BAIAP2: variants seen among roughly 807,000 people sequenced by gnomAD.
The protein encoded by BAIAP2 is BAR/IMD domain-containing adapter protein 2.
In BAIAP2, 18 loss-of-function variants were observed where a neutral mutation model predicts 63.0. That is an observed-to-expected ratio of 0.29 (90% CI 0.20 to 0.42). BAIAP2 has a LOEUF of 0.42. BAIAP2 is among the 10% of genes least tolerant of loss of function. The pLI is 1.00. For synonymous variants in BAIAP2, 386 were observed against 307.6 expected (o/e 1.25, Z -2.67); for missense variants, 610 against 734.3 (o/e 0.83, Z 1.96).
intron 1 of BAIAP2, among the ~76,000 whole-genome samples, chr17:81,042,428 T>G (rs2047214912): frequency 6.6e-6 from 1 of 152,102 alleles, no homozygotes; most frequent in Non-Finnish European, 1.5e-5. Flanking sequence ...AGTGCTGGGA[T>G]TACATGTGTG....
At chr17:81,085,539 C>A in intron 4 of BAIAP2, 115 bp from the exon 5 acceptor site, 1 of 865,060 alleles carries the variant, frequency 1.2e-6, no homozygotes, top group Non-Finnish European at 1.9e-6. Context: ...GGGGCCCCTC[C>A]TGCACAGCCG....
At chr17:81,110,824 C>CT in intron 13 of BAIAP2, 1 of 1,537,286 alleles carries the variant, frequency 6.5e-7, no homozygotes, top group Non-Finnish European at 9.0e-7. Flanking sequence ...TCTAGGTCTC[C>CT]TGGCAGCTCG....
At chr17:81,107,589 C>CCTGT (rs980823124) in intron 12 of BAIAP2, 6 of 152,328 alleles carry the variant, frequency 3.9e-5, no homozygotes, top group South Asian at 2.1e-4. Context: ...GTTGGAGACC[C>CCTGT]CTGTCTGTCT....
chr17:81,104,402 T>C, intron 9 of BAIAP2, 112 bp from the exon 10 acceptor site: 2 of 1,228,524 alleles, frequency 1.6e-6, no homozygotes, highest in South Asian at 2.9e-5. Flanking sequence ...GCCAGCCCAC[T>C]TACCCACCTG....
chr17:81,042,661 C>T (rs991535899), intron 1 of BAIAP2, among the ~76,000 whole-genome samples: 2 of 151,990 alleles, frequency 1.3e-5, no homozygotes, highest in South Asian at 2.1e-4. Flanking sequence ...TGGTGGAATG[C>T]GCTGGGGTAG....
intron 4 of BAIAP2, chr17:81,085,243 C>T (rs2055367701): frequency 2.0e-6 from 1 of 499,962 alleles, no homozygotes; most frequent in Non-Finnish European, 3.7e-6. Context: ...AGGCAGACCC[C>T]ACACAACCAG....
At chr17:81,099,779 C>G in intron 6 of BAIAP2, 149 bp from the exon 7 acceptor site, 1 of 881,500 alleles carries the variant, frequency 1.1e-6, no homozygotes, top group Non-Finnish European at 1.7e-6. Flanking sequence ...GCGTGGTTGT[C>G]TCCTGAGTGG....
At chr17:81,066,325 G>A (rs1486808592) in intron 3 of BAIAP2, among the ~76,000 whole-genome samples, 1 of 152,258 alleles carries the variant, frequency 6.6e-6, no homozygotes, top group Non-Finnish European at 1.5e-5. Context: ...CTCAGAATGA[G>A]GATGTTAGCT....
intron 12 of BAIAP2, chr17:81,107,268 C>A: frequency 4.3e-6 from 1 of 232,580 alleles, no homozygotes; most frequent in Non-Finnish European, 8.4e-6. Context: ...TTGGGAGAGC[C>A]AGGGGGGCAG....
Position 81,086,563 on chromosome 17 carries a change from T to C in BAIAP2, c.472T>C (p.Ser158Pro). ...GGGCAGCAAGAATCCTCAGAAGTAC[T>C]CGGACAAGGAGCTGCAGGTAGGCCC... ...SQGSKNPQKY[S>P]DKELQYIDAI... The change falls in exon 6 of 14, where the codon TCG (serine) becomes CCG (proline). Residue 158 changes from serine (S) to proline (P), a missense_variant. Coordinates refer to ENST00000428708, the MANE Select transcript of BAIAP2 (RefSeq NM_001144888.2). 6.2e-7 allele frequency: 1 copy of C among 1,613,434 alleles called. No individual in the cohort carries two copies. The highest frequency in any genetic ancestry group is 8.5e-7 in the Non-Finnish European group (1 of 1,179,994).
chr17:81,098,151 C>T lies in BAIAP2; in HGVS notation c.490-1777C>T, dbSNP rs768610909. ...CCCAGAGGGACAGAGGCAGAGAGCCCTGGGGTTTGGAACTGTCACTTCCAC... is the reference window on the plus strand; with the variant it reads ...CCCAGAGGGACAGAGGCAGAGAGCCTTGGGGTTTGGAACTGTCACTTCCAC... On this transcript the variant is annotated intron_variant, in intron 6 of 13. Coordinates refer to ENST00000428708, the MANE Select transcript of BAIAP2 (RefSeq NM_001144888.2). 3.4e-6 allele frequency: 5 copies of T among 1,471,612 alleles called. No homozygotes were observed. The South Asian group carries it at 5.3e-5, about 16-fold the overall frequency. 91.2% of individuals were successfully genotyped at this position (1,471,612 alleles called of 1,614,324 possible).
intron 6 of BAIAP2, among the ~76,000 whole-genome samples, chr17:81,089,633 G>A (rs1435835285): frequency 6.6e-6 from 1 of 151,986 alleles, no homozygotes; most frequent in African/African-American, 2.4e-5. Context: ...GAGGGCAGGC[G>A]GAGGGGGAGA....
intron 1 of BAIAP2, among the ~76,000 whole-genome samples, chr17:81,037,281 C>T (rs1055022039): frequency 4.6e-5 from 7 of 152,256 alleles, no homozygotes; most frequent in Non-Finnish European, 1.5e-5. Context: ...ACGCGGTGGG[C>T]CGCAGGTGTC....
intron 4 of BAIAP2, 168 bp from the exon 5 acceptor site, chr17:81,085,486 T>C (rs752829160): frequency 1.4e-6 from 1 of 704,794 alleles, no homozygotes; most frequent in South Asian, 1.5e-5. Flanking sequence ...CTCCAGAGGG[T>C]GCACACGGGC....
At position 81,082,720 on chromosome 17, in the gene BAIAP2, A is replaced by G. The variant is rs186355037; in HGVS notation, c.218-2112A>G. ...GTTCGGCTTTGGGAACAGGCCTAGC[A>G]GTTGCCAGCATGAGGGCGGGAATGA... On this transcript the variant is annotated intron_variant, in intron 3 of 13. Transcript: ENST00000428708. Among the ~76,000 whole-genome samples, 399 of 152,282 alleles carry G rather than the reference A, an allele frequency of 2.6e-3. 1 individual carries two copies. Among genetic ancestry groups the G allele is most frequent in the Non-Finnish European group, 4.8e-3 (325 of 68,020 alleles).
chr17:81,111,416 A>G (rs1330465993), intron 13 of BAIAP2, among the ~76,000 whole-genome samples: 9 of 152,124 alleles, frequency 5.9e-5, no homozygotes, highest in South Asian at 2.1e-4. Flanking sequence ...CCTGGGGAGA[A>G]CCCTGGGGAG....
Position 81,116,059 on chromosome 17 carries a change from T to TA in BAIAP2, c.*220_*221insA. The TA allele has an allele frequency of 1.4e-6, 2 of 1,463,270 alleles. No individual in the cohort carries two copies. The highest frequency in any genetic ancestry group is 1.8e-6 in the Non-Finnish European group (2 of 1,111,626). The allele number at this position is 1,463,270 out of a possible 1,614,324, so 90.6% of individuals were successfully genotyped here. The stretch of plus-strand genomic sequence containing the variant: ...GAAGGGCGAGACCCAGTGGCTGGGC[T>TA]GCCCAGGGCTGAGGGGCCGCCTCTT... On this transcript the variant is annotated 3_prime_UTR_variant, in exon 14 of 14. Coordinates refer to ENST00000428708, the MANE Select transcript of BAIAP2 (RefSeq NM_001144888.2).
chr17:81,071,111 TCC>T (rs1555665362), intron 3 of BAIAP2, among the ~76,000 whole-genome samples: 1 of 150,748 alleles, frequency 6.6e-6, no homozygotes, highest in Non-Finnish European at 1.5e-5. Flanking sequence ...TTTTTTTTTT[TCC>T]CCCATTGGTT....
chr17:81,086,953 G>C lies in BAIAP2; in HGVS notation c.489+373G>C, dbSNP rs60369999. The C allele has an allele frequency of 6.0e-3, 1,199 of 199,856 alleles. 13 individuals carry two copies. Among genetic ancestry groups the C allele is most frequent in the African/African-American group, 0.026 (1,139 of 43,088 alleles). 12.4% of individuals were successfully genotyped at this position (199,856 alleles called of 1,614,324 possible). A position where few individuals can be genotyped will look rare whatever the true frequency, so the allele number is the denominator to read the frequency against. ...CTGCAGGGCTGGCCACTCGAGGGAA[G>C]GTGGTACTTCAGGTTCCTCGAGGGA... On this transcript the variant is annotated intron_variant, in intron 6 of 13. Transcript: ENST00000428708.
Sources: gnomAD v4.1 joint callset for allele counts (sites outside exome capture counted in the v4.1 genomes callset) on GRCh38, gnomAD v4.1.1 for gene constraint, MANE v1.5 for transcripts, NCBI Gene and HGNC (gene_info 2026-07-23, HGNC 2026-07-21) for gene names.